MAGI2: variants seen among roughly 807,000 people sequenced by gnomAD.
The protein encoded by MAGI2 is membrane associated guanylate kinase, WW and PDZ domain containing 2, also known as membrane-associated guanylate kinase, WW and PDZ domain-containing protein 2.
MAGI2 carries 35 observed loss-of-function variants against 133.3 expected under a neutral mutation model. The observed-to-expected ratio is 0.26, with a 90% CI of 0.20 to 0.35. The LOEUF is 0.35. MAGI2 is among the 10% of genes least tolerant of loss of function. The pLI, the probability that MAGI2 is intolerant of heterozygous loss-of-function variation, is 1.00. For missense variants in MAGI2, 1,636 were observed against 1,863.4 expected (o/e 0.88, Z 2.25); for synonymous variants, 729 against 710.6 (o/e 1.03, Z -0.41).
At chr7:79,353,933 C>T (rs1335079119) in intron 1 of MAGI2, 1 of 158,292 alleles carries the variant, frequency 6.3e-6, no homozygotes, top group African/African-American at 2.4e-5. Context: ...CTTGTGCTGA[C>T]TTCTTCCTGG....
chr7:78,472,111 C>T (rs1791268017), intron 6 of MAGI2, among the ~76,000 whole-genome samples: 5 of 152,056 alleles, frequency 3.3e-5, no homozygotes, highest in Admixed American at 3.3e-4. Context: ...TGGATAGTAT[C>T]AAGTGTTTAC....
intron 2 of MAGI2, among the ~76,000 whole-genome samples, chr7:78,886,543 C>T (rs577907047): frequency 6.6e-6 from 1 of 152,170 alleles, no homozygotes. Flanking sequence ...GGAAACTTCT[C>T]TGGTCTATGT....
chr7:78,759,073 C>T (rs1334712018), intron 2 of MAGI2, among the ~76,000 whole-genome samples: 3 of 152,008 alleles, frequency 2.0e-5, no homozygotes, highest in Non-Finnish European at 4.4e-5. Context: ...GTGATGACTT[C>T]GTGGAATGCA....
At chr7:78,586,153 A>T (rs1286833029) in intron 3 of MAGI2, among the ~76,000 whole-genome samples, 2 of 152,186 alleles carry the variant, frequency 1.3e-5, no homozygotes, top group Non-Finnish European at 2.9e-5. Flanking sequence ...CAGCTGAGAG[A>T]TTGCGTAAGT....
intron 9 of MAGI2, among the ~76,000 whole-genome samples, chr7:78,324,157 C>A (rs1376052249): frequency 7.2e-6 from 1 of 137,968 alleles, no homozygotes; most frequent in Admixed American, 7.2e-5. Context: ...ACACTACACA[C>A]TACACTACAC....
chr7:78,289,206 T>G (rs898409811), intron 9 of MAGI2, among the ~76,000 whole-genome samples: 2 of 151,914 alleles, frequency 1.3e-5, no homozygotes, highest in African/African-American at 4.8e-5. Context: ...GCTAAAACCT[T>G]GAAAAAAGAT....
intron 2 of MAGI2, among the ~76,000 whole-genome samples, chr7:78,913,590 C>G (rs1798575034): frequency 6.6e-6 from 1 of 152,116 alleles, no homozygotes; most frequent in African/African-American, 2.4e-5. Context: ...AGAGTAACTC[C>G]TAGAGCATCA....
At chr7:78,987,731 T>G (rs1293622933) in intron 2 of MAGI2, among the ~76,000 whole-genome samples, 2 of 152,088 alleles carry the variant, frequency 1.3e-5, no homozygotes, top group African/African-American at 4.8e-5. Context: ...ATTTATTATT[T>G]TTAATAAAAG....
intron 3 of MAGI2, among the ~76,000 whole-genome samples, chr7:78,578,403 A>T (rs1215319620): frequency 6.6e-6 from 1 of 152,202 alleles, no homozygotes; most frequent in Admixed American, 6.5e-5. Flanking sequence ...TATGTTAAAC[A>T]TAGTTGTGTG....
chr7:78,667,793 T>C (rs1474814678), intron 2 of MAGI2, among the ~76,000 whole-genome samples: 23 of 152,118 alleles, frequency 1.5e-4, no homozygotes, highest in Admixed American at 1.5e-3. Context: ...TCTATCATTA[T>C]TGGACATTTG....
intron 10 of MAGI2, among the ~76,000 whole-genome samples, chr7:78,242,132 C>T (rs1195466660): frequency 1.3e-5 from 2 of 152,140 alleles, no homozygotes; most frequent in Admixed American, 6.5e-5. Context: ...TCTCTTATGA[C>T]CAGTGGGAAC....
In MAGI2 at chr7:78,409,717, G is replaced by A. The variant is rs1797698714; in HGVS notation, c.1046-40504C>T. ...GAATGACAGAAAGCTATCATAAAAA[G>A]AGTAGTGTGGATATAGATGAGACAC... On this transcript the variant is annotated intron_variant, in intron 6 of 21. Transcript: ENST00000354212. Among the ~76,000 whole-genome samples the A allele has an allele frequency of 2.6e-5, 4 of 152,040 alleles. No individual in the cohort carries two copies. In the South Asian group the frequency reaches 8.3e-4, roughly 32 times the overall value.
At chr7:78,768,903 A>G (rs1046056286) in intron 2 of MAGI2, among the ~76,000 whole-genome samples, 1 of 152,020 alleles carries the variant, frequency 6.6e-6, no homozygotes, top group African/African-American at 2.4e-5. Context: ...CTAAAATGCT[A>G]TACAATAGAG....
At chr7:78,261,685 TAAAA>T (rs1184297218) in intron 9 of MAGI2, among the ~76,000 whole-genome samples, 2 of 152,026 alleles carry the variant, frequency 1.3e-5, no homozygotes, top group African/African-American at 2.4e-5. Context: ...AAAAGAAAAA[TAAAA>T]AAACCTGACA....
intron 1 of MAGI2, among the ~76,000 whole-genome samples, chr7:79,395,279 A>G (rs1273448184): frequency 6.6e-6 from 1 of 152,238 alleles, no homozygotes; most frequent in African/African-American, 2.4e-5. Flanking sequence ...TAATTATACA[A>G]TGAACACAAA....
At chr7:79,070,616 T>C (rs1428827426) in intron 1 of MAGI2, among the ~76,000 whole-genome samples, 1 of 151,888 alleles carries the variant, frequency 6.6e-6, no homozygotes, top group African/African-American at 2.4e-5. Context: ...ATCAGCCTTC[T>C]GAATAGCTGG....
chr7:78,137,053 T>A (rs966403311), intron 16 of MAGI2, among the ~76,000 whole-genome samples: 2 of 152,248 alleles, frequency 1.3e-5, no homozygotes, highest in Non-Finnish European at 2.9e-5. Context: ...CTTAGGACAA[T>A]CAATGTTTTT....
At chr7:78,955,692 TCTCTCTCC>T (rs1802246296) in intron 2 of MAGI2, among the ~76,000 whole-genome samples, 2 of 94,688 alleles carry the variant, frequency 2.1e-5, no homozygotes, top group South Asian at 6.6e-4. Flanking sequence ...TCCCTCCCTT[TCTCTCTCC>T]CTTTCTTTCT....
At chr7:78,296,479 A>T (rs937289625) in intron 9 of MAGI2, among the ~76,000 whole-genome samples, 13 of 152,148 alleles carry the variant, frequency 8.5e-5, no homozygotes, top group Admixed American at 2.6e-4. Context: ...TTTCTTCATT[A>T]GCACTTCTGA....
Sources: gnomAD v4.1 joint callset for allele counts (sites outside exome capture counted in the v4.1 genomes callset) on GRCh38, gnomAD v4.1.1 for gene constraint, MANE v1.5 for transcripts, NCBI Gene and HGNC (gene_info 2026-07-23, HGNC 2026-07-21) for gene names.